The following INSIG2 variants were observed in gnomAD, a reference collection of about 807,000 sequenced individuals.
The protein encoded by INSIG2 is insulin induced gene 2, also known as insulin-induced gene 2 protein.
A neutral mutation model predicts 27.2 loss-of-function variants in INSIG2; 10 were observed. The observed-to-expected ratio is 0.37, with a 90% CI of 0.23 to 0.62. The LOEUF (loss-of-function observed/expected upper bound fraction) is 0.62, where lower values mean the gene tolerates loss of function less well. INSIG2 is among the 20% of genes least tolerant of loss of function. The pLI, the probability that INSIG2 is intolerant of heterozygous loss-of-function variation, is 0.65. For synonymous variants in INSIG2, 97 were observed against 95.8 expected (o/e 1.01, Z -0.07); for missense variants, 178 against 270.2 (o/e 0.66, Z 2.39).
intron 1 of INSIG2, among the ~76,000 whole-genome samples, chr2:118,092,524 C>T (rs1364671931): frequency 4.6e-5 from 7 of 151,976 alleles, no homozygotes; most frequent in Non-Finnish European, 1.0e-4. Flanking sequence ...TTATATAGAA[C>T]CATCTGCCGA....
chr2:118,107,509 AG>A (rs1678702893), intron 5 of INSIG2, among the ~76,000 whole-genome samples: 1 of 152,224 alleles, frequency 6.6e-6, no homozygotes, highest in Admixed American at 6.5e-5. Context: ...AAAGTTAAAA[AG>A]GTCACTACTA....
rs756111660 is a variant in INSIG2, at chr2:118,096,688, A to G, written c.132A>G (p.Leu44=). 6.2e-7 allele frequency: 1 copy of G among 1,613,930 alleles called. No homozygotes were observed. The highest frequency in any genetic ancestry group is 1.3e-5 in the African/African-American group (1 of 74,892). The part of the protein sequence containing the change: ...VLFFIGVFLA[L]VLNLLQIQRN... ...TTTTTATTGGAGTATTTCTTGCATT[A>G]GTGTTAAATTTACTTCAGATTCAGA... Residue 44 remains leucine (L), a synonymous_variant, in exon 2 of 6, where the codon TTA becomes TTG. Coordinates refer to ENST00000245787, the MANE Select transcript of INSIG2 (RefSeq NM_016133.4).
intron 2 of INSIG2, 42 bp downstream of exon 2, chr2:118,096,842 G>T (rs199743735): frequency 2.8e-5 from 44 of 1,591,920 alleles, no homozygotes; most frequent in African/African-American, 4.0e-5. Flanking sequence ...AAGGAAATAG[G>T]GTAAATGAGT....
chr2:118,093,288 A>AGATGAT (rs375383863), intron 1 of INSIG2, among the ~76,000 whole-genome samples: 2 of 36,822 alleles, frequency 5.4e-5, no homozygotes, highest in Non-Finnish European at 5.1e-5. Context: ...GAAAGCAACC[A>AGATGAT]GATGATGATG....
chr2:118,103,123 T>C (rs1678588246), intron 2 of INSIG2, 74 bp from the exon 3 acceptor site: 1 of 1,239,870 alleles, frequency 8.1e-7, no homozygotes, highest in Non-Finnish European at 1.1e-6. Flanking sequence ...GTGGTGGTTG[T>C]AGTGATTCTT....
intron 1 of INSIG2, among the ~76,000 whole-genome samples, chr2:118,094,746 A>C (rs1377722021): frequency 6.6e-6 from 1 of 152,164 alleles, no homozygotes; most frequent in African/African-American, 2.4e-5. Context: ...CAGGTTGTGG[A>C]GGTTACTAGT....
At chr2:118,093,792 A>T (rs1678327050) in intron 1 of INSIG2, among the ~76,000 whole-genome samples, 1 of 105,578 alleles carries the variant, frequency 9.5e-6, no homozygotes, top group African/African-American at 3.5e-5. Flanking sequence ...CCAGATGATG[A>T]TGTTGATGAT....
chr2:118,107,558 C>T (rs192067053), intron 5 of INSIG2, among the ~76,000 whole-genome samples: 1 of 152,238 alleles, frequency 6.6e-6, no homozygotes, highest in East Asian at 1.9e-4. Flanking sequence ...ATTAGGACCA[C>T]CTCTAACAAA....
intron 5 of INSIG2, 87 bp from the exon 6 acceptor site, chr2:118,108,194 C>A: frequency 1.2e-6 from 1 of 851,784 alleles, no homozygotes; most frequent in South Asian, 1.7e-5. Flanking sequence ...ATAAAATGTT[C>A]ATTTTTAGAG....
chr2:118,099,660 G>C (rs547257329), intron 2 of INSIG2, among the ~76,000 whole-genome samples: 4 of 152,172 alleles, frequency 2.6e-5, no homozygotes, highest in Non-Finnish European at 5.9e-5. Context: ...AAGTAGCCTG[G>C]TTGTGTCCAA....
At chr2:118,094,367 A>AGATGATGATGATGAT (rs34116355) in intron 1 of INSIG2, among the ~76,000 whole-genome samples, 24,066 of 117,946 alleles carry the variant, frequency 0.2, 5,992 homozygotes, top group African/African-American at 0.31. Context: ...AAAAGCAACC[A>AGATGATGATGATGAT]GATGATGATG....
chr2:118,104,889 C>A (rs1033433363), intron 3 of INSIG2, among the ~76,000 whole-genome samples: 2 of 152,166 alleles, frequency 1.3e-5, no homozygotes, highest in Non-Finnish European at 2.9e-5. Context: ...AGTTCAAATT[C>A]TTTGCTTTGT....
intron 5 of INSIG2, 67 bp downstream of exon 5, chr2:118,107,256 C>G (rs1678696858): frequency 9.4e-7 from 1 of 1,060,594 alleles, no homozygotes; most frequent in Non-Finnish European, 1.4e-6. Flanking sequence ...AAAAGGCAGT[C>G]CTTTAAGGGA....
chr2:118,108,483 T>C lies in INSIG2; in HGVS notation c.*161T>C, dbSNP rs988073576. ...ATAAATATATATATACACACACACA[T>C]ATTACTGCAATCTGTGATTGCTTCA... On this transcript the variant is annotated 3_prime_UTR_variant, in exon 6 of 6. Transcript: ENST00000245787. 5.6e-5 allele frequency: 28 copies of C among 502,812 alleles called. No homozygotes were observed. In the South Asian group the frequency reaches 7.6e-4, roughly 14 times the overall value. 31.1% of individuals were successfully genotyped at this position (502,812 alleles called of 1,614,324 possible).
At chr2:118,105,772 A>G (rs1040218288) in intron 3 of INSIG2, among the ~76,000 whole-genome samples, 1 of 152,168 alleles carries the variant, frequency 6.6e-6, no homozygotes, top group Non-Finnish European at 1.5e-5. Flanking sequence ...GGATTTCTCT[A>G]TACGTGCAGC....
Position 118,110,833 on chromosome 2 carries a change from A to T in INSIG2, c.*2511A>T, listed in dbSNP as rs1678794319. The stretch of plus-strand genomic sequence containing the variant: ...CAAGAAAACAATTCAAATTAGCCAG[A>T]GCCCTGCTAAAACTTTTAATGTAAA... On this transcript the variant is annotated 3_prime_UTR_variant, in exon 6 of 6. Coordinates refer to ENST00000245787, the MANE Select transcript of INSIG2 (RefSeq NM_016133.4). 6.6e-6 allele frequency: 1 copy of T among 152,224 alleles called. No homozygotes were observed. Among genetic ancestry groups the T allele is most frequent in the Non-Finnish European group, 1.5e-5 (1 of 68,032 alleles). The allele number at this position is 152,224 out of a possible 1,614,324, so 9.4% of individuals were successfully genotyped here.
Position 118,108,390 on chromosome 2 carries a change from A to G in INSIG2, c.*68A>G. ...AGGATGTGAAATGGTAGATATACCAACAAAACTTCAGACTGTAAAATTGCC... is the reference window on the plus strand; with the variant it reads ...AGGATGTGAAATGGTAGATATACCAGCAAAACTTCAGACTGTAAAATTGCC... On this transcript the variant is annotated 3_prime_UTR_variant, in exon 6 of 6. Coordinates refer to ENST00000245787, the MANE Select transcript of INSIG2 (RefSeq NM_016133.4). 4 of 1,220,710 alleles carry G rather than the reference A, an allele frequency of 3.3e-6. No individual in the cohort carries two copies. Among genetic ancestry groups the G allele is most frequent in the Non-Finnish European group, 4.8e-6 (4 of 840,778 alleles). The allele number at this position is 1,220,710 out of a possible 1,614,324, so 75.6% of individuals were successfully genotyped here. A position where few individuals can be genotyped will look rare whatever the true frequency, so the allele number is the denominator to read the frequency against.
intron 1 of INSIG2, among the ~76,000 whole-genome samples, chr2:118,089,341 GA>G (rs772335908): frequency 2.7e-4 from 41 of 152,172 alleles, no homozygotes; most frequent in Non-Finnish European, 5.3e-4. Flanking sequence ...GATTGATGAA[GA>G]AATGCTTTAA....
At position 118,099,675 on chromosome 2, in the gene INSIG2, A is replaced by T. The variant is rs1363877193; in HGVS notation, c.244+2875A>T. Among the ~76,000 whole-genome samples, 4 of 152,366 alleles carry T rather than the reference A, an allele frequency of 2.6e-5. No individual in the cohort carries two copies. The East Asian group carries it at 5.8e-4, about 22-fold the overall frequency. ...AAGTAGCCTGGTTGTGTCCAAACGT[A>T]TGAAAATAATATCTAATGTAAAAAG... On this transcript the variant is annotated intron_variant, in intron 2 of 5. Transcript: ENST00000245787.
Sources: allele counts gnomAD v4.1 joint callset (sites outside exome capture counted in the v4.1 genomes callset), GRCh38; gene constraint gnomAD v4.1.1; transcripts MANE v1.5; gene names NCBI Gene and HGNC (gene_info 2026-07-23, HGNC 2026-07-21).